The following CHAF1A variants were observed in gnomAD, a reference collection of about 807,000 sequenced individuals.
CHAF1A encodes the protein chromatin assembly factor 1 subunit A.
CHAF1A carries 5 observed loss-of-function variants against 93.2 expected under a neutral mutation model. The ratio of observed to expected loss-of-function variants is 0.05; its 90% confidence interval spans 0.03 to 0.11. The LOEUF is 0.11. Among genes scored for constraint, CHAF1A ranks in the 10% least tolerant of loss-of-function variants. CHAF1A has a pLI of 1.00. For missense variants in CHAF1A, 1,102 were observed against 1,259.9 expected (o/e 0.87, Z 1.90); for synonymous variants, 504 against 510.3 (o/e 0.99, Z 0.17).
rs747380913 is a variant in CHAF1A, at chr19:4,409,686, C to G, written c.887C>G (p.Pro296Arg). Reference protein sequence around the residue: ...SLSSPSSTSSPEGPPAPPKQH... With the variant: ...SLSSPSSTSSREGPPAPPKQH... Reference sequence around the variant, plus strand: ...AGCTCTCCCTCTTCCACCAGCTCGCCCGAGGGGCCGCCTGCTCCCCCAAAG... The same window carrying G: ...AGCTCTCCCTCTTCCACCAGCTCGCGCGAGGGGCCGCCTGCTCCCCCAAAG... Residue 296 changes from proline (P) to arginine (R), a missense_variant, in exon 3 of 15, where the codon CCC (proline) becomes CGC (arginine). By Grantham distance (103) the Pro-to-Arg change is moderately radical. Transcript: ENST00000301280. 5.0e-6 allele frequency: 8 copies of G among 1,614,046 alleles called. No individual in the cohort carries two copies. The South Asian group carries it at 8.8e-5, about 18-fold the overall frequency.
Position 4,414,391 on chromosome 19 carries a change from C to T in CHAF1A, c.961-3629C>T, listed in dbSNP as rs948282583. On this transcript the variant is annotated intron_variant, in intron 3 of 14. Transcript: ENST00000301280. ...GCTCCAGCCTGGGCAACAGCCAGAC[C>T]GTCTCAAAAAAAAAAAAAAACAAAA... is the stretch of plus-strand genomic sequence containing the variant. Among the ~76,000 whole-genome samples, 13 of 134,186 alleles carry T rather than the reference C, an allele frequency of 9.7e-5. No individual in the cohort carries two copies. The East Asian group carries it at 2.8e-3, about 29-fold the overall frequency. The allele number at this position is 134,186 out of a possible 152,430, so 88.0% of individuals were successfully genotyped here. A position where few individuals can be genotyped will look rare whatever the true frequency, so the allele number is the denominator to read the frequency against.
chr19:4,421,844 C>A (rs1973995698), intron 4 of CHAF1A, among the ~76,000 whole-genome samples: 2 of 148,846 alleles, frequency 1.3e-5, no homozygotes, highest in Non-Finnish European at 3.0e-5. Context: ...TCTCTGAATT[C>A]TTATTTATTC....
Position 4,408,908 on chromosome 19 carries a change from C to G in CHAF1A, c.109C>G (p.Leu37Val). The G allele has an allele frequency of 6.3e-7, 1 of 1,599,468 alleles. No individual in the cohort carries two copies. The highest frequency in any genetic ancestry group is 8.5e-7 in the Non-Finnish European group (1 of 1,174,930). Reference protein sequence around the residue: ...FPVKKLIQARLPFKRLNLVPK... With the variant: ...FPVKKLIQARVPFKRLNLVPK... ...GCTTTCTGTCTTTGTTTCAGCCCGT[C>G]TGCCGTTTAAGCGCCTGAATCTTGT... Residue 37 changes from leucine to valine, a missense_variant, in exon 3 of 15, where the codon CTG (leucine) becomes GTG (valine). By Grantham distance (32) the Leu-to-Val change is conservative (BLOSUM62 1). Around this residue, in one of 6 missense-constraint regions of CHAF1A, gnomAD observed 28 missense variants for 56.5 expected, o/e 0.50. Coordinates refer to ENST00000301280, the MANE Select transcript of CHAF1A (RefSeq NM_005483.3).
rs1462007485 is a variant in CHAF1A, at chr19:4,429,581, C to T, written c.1748C>T (p.Ala583Val). The T allele has an allele frequency of 6.8e-6, 11 of 1,613,964 alleles. No homozygotes were observed. Among genetic ancestry groups the T allele is most frequent in the African/African-American group, 2.7e-5 (2 of 74,892 alleles). The change falls in exon 9 of 15, where the codon GCG becomes GTG. Residue 583 changes from alanine (A) to valine (V), a missense_variant. Ala to Val is a moderately conservative substitution (Grantham distance 64). Around this residue, in one of 6 missense-constraint regions of CHAF1A, gnomAD observed 335 missense variants for 361.9 expected, o/e 0.93. Coordinates refer to ENST00000301280, the MANE Select transcript of CHAF1A (RefSeq NM_005483.3). Reference sequence around the variant, plus strand: ...AATAAGAAGACGGCACTCATCCGCGCGCGAGACCCCTGGGCCCAGGACACG... The same window carrying T: ...AATAAGAAGACGGCACTCATCCGCGTGCGAGACCCCTGGGCCCAGGACACG... ...TWNKKTALIR[A>V]RDPWAQDTKL...
chr19:4,434,566 C>T (rs1043081212), intron 13 of CHAF1A, among the ~76,000 whole-genome samples: 7 of 152,156 alleles, frequency 4.6e-5, no homozygotes, highest in Admixed American at 4.6e-4. Context: ...TCAGCCTTTT[C>T]CAGATTGCCC....
At chr19:4,403,328 C>G (rs975125217) in intron 1 of CHAF1A, among the ~76,000 whole-genome samples, 2 of 152,176 alleles carry the variant, frequency 1.3e-5, no homozygotes, top group African/African-American at 2.4e-5. Context: ...CTTGCTCCTT[C>G]CTGATATGCA....
rs914288498 is a variant in CHAF1A, at chr19:4,402,697, C to A, written c.-66C>A. 9.5e-6 allele frequency: 10 copies of A among 1,047,480 alleles called. No individual in the cohort carries two copies. Among genetic ancestry groups the A allele is most frequent in the Non-Finnish European group, 1.1e-5 (9 of 830,736 alleles). 64.9% of individuals were successfully genotyped at this position (1,047,480 alleles called of 1,614,324 possible). A position where few individuals can be genotyped will look rare whatever the true frequency, so the allele number is the denominator to read the frequency against. On this transcript the variant is annotated 5_prime_UTR_variant, in exon 1 of 15. Transcript: ENST00000301280. ...GCGGCGCGGGCGGGAGGGCGAAGAGCAGCGGCCGCCTGAGGGGAGCCCGCG... is the reference window on the plus strand; with the variant it reads ...GCGGCGCGGGCGGGAGGGCGAAGAGAAGCGGCCGCCTGAGGGGAGCCCGCG...
chr19:4,446,794 C>A (rs773031256), downstream of CHAF1A: 3 of 1,613,776 alleles, frequency 1.9e-6, no homozygotes, highest in East Asian at 6.7e-5. Context: ...CCCCGAGGCC[C>A]CTCGTCCCCA....
Position 4,409,153 on chromosome 19 carries a change from T to C in CHAF1A, c.354T>C (p.Asp118=). Reference sequence around the variant, plus strand: ...TTGGCCAGAGCACAGTCATCATTGATTTGACAGAGGACTCGAATGAGCAGC... The same window carrying C: ...TTGGCCAGAGCACAGTCATCATTGACTTGACAGAGGACTCGAATGAGCAGC... The part of the protein sequence containing the change: ...TSIGQSTVII[D]LTEDSNEQPD... The change falls in exon 3 of 15, where the codon GAT becomes GAC. Residue 118 remains aspartate (D), a synonymous_variant. Coordinates refer to ENST00000301280, the MANE Select transcript of CHAF1A (RefSeq NM_005483.3). 1 of 1,614,164 alleles carries C rather than the reference T, an allele frequency of 6.2e-7. No homozygotes were observed. Among genetic ancestry groups the C allele is most frequent in the Non-Finnish European group, 8.5e-7 (1 of 1,180,034 alleles).
chr19:4,426,781 C>T (rs562707848), intron 7 of CHAF1A, among the ~76,000 whole-genome samples: 1 of 152,270 alleles, frequency 6.6e-6, no homozygotes, highest in East Asian at 1.9e-4. Context: ...GCTACAGTGT[C>T]TTTCATTATA....
intron 10 of CHAF1A, 116 bp from the exon 11 acceptor site, chr19:4,430,433 C>T (rs913840996): frequency 6.0e-6 from 4 of 668,586 alleles, no homozygotes; most frequent in Non-Finnish European, 1.1e-5. Flanking sequence ...CCACCTCAGC[C>T]TCCCAAAGTG....
downstream of CHAF1A, chr19:4,446,423 C>A (rs142895800): frequency 2.5e-6 from 4 of 1,575,832 alleles, no homozygotes; most frequent in African/African-American, 4.0e-5. Flanking sequence ...CCTGCACACG[C>A]GGGCCAGGTC....
In CHAF1A at chr19:4,433,185, G is replaced by C; in HGVS notation, c.2319G>C (p.Pro773=). 6.2e-7 allele frequency: 1 copy of C among 1,613,694 alleles called. No homozygotes were observed. Among genetic ancestry groups the C allele is most frequent in the Non-Finnish European group, 8.5e-7 (1 of 1,179,858 alleles). Residue 773 remains proline (P), a synonymous_variant, in exon 13 of 15, where the codon CCG becomes CCC. Transcript: ENST00000301280. The surrounding 1 kb of genome is among the most constrained non-coding windows in gnomAD (Gnocchi z 5.6). ...TGCTCAGCAACCACACCGGCAGCCC[G>C]CGGAGCCCCTCCACCACCTACCTGC... The part of the protein sequence containing the change: ...RGLLSNHTGS[P]RSPSTTYLHT...
chr19:4,447,562 G>C (rs1175429394), downstream of CHAF1A: 1 of 1,613,632 alleles, frequency 6.2e-7, no homozygotes, highest in Non-Finnish European at 8.5e-7. Context: ...GAAACACCTT[G>C]TTCTGCAGCT....
intron 3 of CHAF1A, among the ~76,000 whole-genome samples, chr19:4,417,433 C>T (rs748593849): frequency 6.6e-6 from 1 of 150,692 alleles, no homozygotes; most frequent in Non-Finnish European, 1.5e-5. Context: ...TCCATCCTCT[C>T]CCTGTCGCCC....
intron 1 of CHAF1A, 115 bp downstream of exon 1, chr19:4,402,929 G>A (rs1973610912): frequency 5.2e-6 from 3 of 577,228 alleles, no homozygotes; most frequent in Non-Finnish European, 7.4e-6. Context: ...CCTGCGGGCC[G>A]GGCGTTCACC....
chr19:4,428,677 C>T lies in CHAF1A; in HGVS notation c.1391C>T (p.Ser464Phe). The T allele has an allele frequency of 6.2e-7, 1 of 1,614,022 alleles. No homozygotes were observed. Among genetic ancestry groups the T allele is most frequent in the Non-Finnish European group, 8.5e-7 (1 of 1,179,910 alleles). ...TCTTGATTTCAGACCCTGGCCGGCT[C>T]CTGTGGGAAGTTTGCCCCCTTTGAA... ...TPQAPKTLAGSCGKFAPFEIK... is the reference protein window; with the variant it reads ...TPQAPKTLAGFCGKFAPFEIK... Residue 464 changes from serine (S) to phenylalanine (F), a missense_variant, in exon 8 of 15, where the codon TCC becomes TTC. By Grantham distance (155) the Ser-to-Phe change is radical. This residue lies in a region of CHAF1A where 165 missense variants were observed against 243.9 expected (regional missense o/e 0.68). Coordinates refer to ENST00000301280, the MANE Select transcript of CHAF1A (RefSeq NM_005483.3).
At chr19:4,428,632 G>T in intron 7 of CHAF1A, 32 bp from the exon 8 acceptor site, 1 of 1,583,426 alleles carries the variant, frequency 6.3e-7, no homozygotes. Flanking sequence ...CCCATTGCTC[G>T]AAGACCCCAT....
intron 3 of CHAF1A, among the ~76,000 whole-genome samples, chr19:4,410,524 G>A (rs987688736): frequency 5.3e-5 from 8 of 151,794 alleles, no homozygotes; most frequent in Non-Finnish European, 1.2e-4. Flanking sequence ...GGGATTACAG[G>A]TGCGCACCAC....
Sources: gnomAD v4.1 joint callset for allele counts (sites outside exome capture counted in the v4.1 genomes callset) on GRCh38, gnomAD v4.1.1 for gene constraint, gnomAD v4.1.1 regional missense constraint, Gnocchi (gnomAD v3.1) non-coding constraint, MANE v1.5 for transcripts, NCBI Gene and HGNC (gene_info 2026-07-23, HGNC 2026-07-21) for gene names.